POLR1C: variants seen among roughly 807,000 people sequenced by gnomAD.
POLR1C encodes RNA polymerase I and III subunit C, also known as DNA-directed RNA polymerases I and III subunit RPAC1.
Under a neutral mutation model 38.3 loss-of-function variants are expected in POLR1C, and 42 were observed. The ratio of observed to expected loss-of-function variants is 1.10; its 90% confidence interval spans 0.86 to 1.42. The LOEUF is 1.42. Ranked by LOEUF, POLR1C falls within the 40% of genes most tolerant of loss-of-function variation. The pLI is 0.00. For missense variants in POLR1C, 507 were observed against 450.5 expected, an observed-to-expected ratio of 1.13 and a Z score of -1.14; for synonymous variants, 163 against 163.9, an observed-to-expected ratio of 0.99 and a Z score of 0.04.
chr6:43,524,988 T>G (rs746566860), downstream of POLR1C: 2 of 1,611,016 alleles, frequency 1.2e-6, no homozygotes, highest in East Asian at 2.2e-5. Flanking sequence ...CAACTGTGCT[T>G]TAGGGCCACA....
exon 11 of POLR1C, chr6:43,562,102 A>C: frequency 3.6e-6 from 2 of 551,726 alleles, no homozygotes; most frequent in Non-Finnish European, 6.4e-6. Context: ...AGATAATTTA[A>C]TCTATAGAAT....
rs1481785671 is a variant in POLR1C at position 43,527,047 on chromosome 6, T to C, written c.923-2202T>C. 1.3e-5 allele frequency: 4 copies of C among 305,888 alleles called. No individual in the cohort carries two copies. In the South Asian group the frequency reaches 2.1e-4, roughly 16 times the overall value. The allele number at this position is 305,888 out of a possible 1,614,324, so 18.9% of individuals were successfully genotyped here. A position where few individuals can be genotyped will look rare whatever the true frequency, so the allele number is the denominator to read the frequency against. ...TACTTTGAATCTCAAACAAACAAAA[T>C]GACACAGTAAAAATAAAAAGAAAAT... On this transcript the variant is annotated intron_variant, in intron 8 of 8. Coordinates refer to the POLR1C transcript ENST00000304004.
At chr6:43,525,418 G>T, downstream of POLR1C, 1 of 576,478 alleles carries the variant, frequency 1.7e-6, no homozygotes, top group Non-Finnish European at 3.0e-6. Context: ...GACTACAGGT[G>T]TGTGCCACCA....
downstream of POLR1C, among the ~76,000 whole-genome samples, chr6:43,529,816 T>C (rs1793846987): frequency 6.6e-6 from 1 of 150,696 alleles, no homozygotes. Context: ...GTCCAGGCTC[T>C]TCAGGAAGCT....
At chr6:43,533,777 G>A, downstream of POLR1C, 1 of 539,858 alleles carries the variant, frequency 1.9e-6, no homozygotes, top group Non-Finnish European at 3.1e-6. Flanking sequence ...TGAGCCTACA[G>A]TGAGCTATGG....
intron 9 of POLR1C, chr6:43,549,446 T>C: frequency 1.3e-6 from 2 of 1,553,112 alleles, no homozygotes; most frequent in Non-Finnish European, 8.7e-7. Context: ...TACACACAAA[T>C]GTAACCAAAC....
rs767589991 is a variant in POLR1C, at chr6:43,521,132, A to G, written c.923-50A>G. The stretch of plus-strand genomic sequence containing the variant: ...AGTCTAGATGTGAAGTTTATGAGTA[A>G]GTTTTACAGGCAAGCCCTGCCTAGA... On this transcript the variant is annotated intron_variant, in intron 8 of 8. Coordinates refer to ENST00000642195, the MANE Select transcript of POLR1C (RefSeq NM_203290.4). The G allele has an allele frequency of 5.6e-6, 9 of 1,609,222 alleles. No homozygotes were observed. The African/African-American group carries it at 1.1e-4, about 19-fold the overall frequency.
downstream of POLR1C, chr6:43,522,867 CCT>C (rs1162931589): frequency 8.8e-6 from 2 of 227,366 alleles, no homozygotes; most frequent in Non-Finnish European, 2.0e-5. Context: ...CTTTCAGTGA[CCT>C]CTAGAATGGA....
chr6:43,523,984 G>A (rs1383469589), downstream of POLR1C: 2 of 1,613,366 alleles, frequency 1.2e-6, no homozygotes, highest in African/African-American at 1.3e-5. Flanking sequence ...ACTTCTTTTC[G>A]GAACTGCTCT....
At position 43,548,244 on chromosome 6, in the gene POLR1C, C is replaced by T. The variant is rs768750498; in HGVS notation, c.*5-2724C>T. On this transcript the variant is annotated intron_variant, in intron 9 of 10. Transcript: ENST00000607635. ...TGCTTGAGTATAGTAAGAGTCAGGG[C>T]AAGGGATCTCCTTTACCTGTGCATG... is the stretch of plus-strand genomic sequence containing the variant. 13 of 1,579,070 alleles carry T rather than the reference C, an allele frequency of 8.2e-6. No homozygotes were observed. In the South Asian group the frequency reaches 1.4e-4, roughly 17 times the overall value.
intron 10 of POLR1C, chr6:43,560,835 T>C: frequency 1.8e-6 from 2 of 1,100,360 alleles, no homozygotes; most frequent in South Asian, 1.3e-5. Flanking sequence ...TCACATTTTA[T>C]ACATGATCTA....
chr6:43,550,161 A>G (rs1795159769), intron 9 of POLR1C, among the ~76,000 whole-genome samples: 1 of 152,214 alleles, frequency 6.6e-6, no homozygotes, highest in Non-Finnish European at 1.5e-5. Context: ...ACATTTTACA[A>G]TAGGATCCCA....
chr6:43,534,777 T>C (rs1389573660), intron 9 of POLR1C, among the ~76,000 whole-genome samples: 1 of 151,812 alleles, frequency 6.6e-6, no homozygotes, highest in Non-Finnish European at 1.5e-5. Flanking sequence ...GCTGGCGAAT[T>C]ACCTGAGGTC....
intron 9 of POLR1C, chr6:43,549,787 C>T (rs1795140974): frequency 2.3e-6 from 3 of 1,289,038 alleles, no homozygotes; most frequent in African/African-American, 3.0e-5. Flanking sequence ...TAATCTACCA[C>T]CCTTACTACC....
At chr6:43,519,616 T>C (rs748812153) in intron 3 of POLR1C, 90 bp from the exon 4 acceptor site, 2 of 1,557,388 alleles carry the variant, frequency 1.3e-6, no homozygotes, top group Non-Finnish European at 1.8e-6. Context: ...GGAAGAGAGA[T>C]AGCTCCCTAC....
At chr6:43,521,146 G>A in intron 8 of POLR1C, 36 bp from the exon 9 acceptor site, 1 of 1,611,544 alleles carries the variant, frequency 6.2e-7, no homozygotes, top group Non-Finnish European at 8.5e-7. Flanking sequence ...TTACAGGCAA[G>A]CCCTGCCTAG....
At chr6:43,523,680 T>C, downstream of POLR1C, 2 of 918,512 alleles carry the variant, frequency 2.2e-6, no homozygotes, top group South Asian at 2.6e-5. Flanking sequence ...ACTCCCTTTC[T>C]TGATACTTTA....
chr6:43,519,556 C>A, intron 3 of POLR1C, 116 bp downstream of exon 3: 1 of 1,415,502 alleles, frequency 7.1e-7, no homozygotes, highest in African/African-American at 1.4e-5. Flanking sequence ...TGGAATTTTG[C>A]TGAGCATTTT....
At chr6:43,540,233 T>C (rs190724857) in intron 9 of POLR1C, among the ~76,000 whole-genome samples, 119 of 152,270 alleles carry the variant, frequency 7.8e-4, no homozygotes, top group Non-Finnish European at 1.5e-3. Context: ...CTACTGAAGA[T>C]ACAAAATTAG....
Sources: gnomAD v4.1 joint callset for allele counts (sites outside exome capture counted in the v4.1 genomes callset) on GRCh38, gnomAD v4.1.1 for gene constraint, MANE v1.5 for transcripts, NCBI Gene and HGNC (gene_info 2026-07-23, HGNC 2026-07-21) for gene names.